The following MYO6 variants were observed in gnomAD, a reference collection of about 807,000 sequenced individuals.
The protein encoded by MYO6 is myosin VI.
A neutral mutation model predicts 178.7 loss-of-function variants in MYO6; 74 were observed. The ratio of observed to expected loss-of-function variants is 0.41; its 90% CI spans 0.34 to 0.50. The LOEUF is 0.50. Ranked by LOEUF, MYO6 falls within the 20% of genes least tolerant of loss-of-function variation. The pLI, the probability that MYO6 is intolerant of heterozygous loss-of-function variation, is 0.09. For synonymous variants in MYO6, 477 were observed against 504.6 expected (o/e 0.95, Z 0.73); for missense variants, 1,330 against 1,547.4 (o/e 0.86, Z 2.36).
In MYO6 at chr6:75,881,918, C is replaced by T; in HGVS notation, c.2416+100C>T. 2.8e-6 allele frequency: 4 copies of T among 1,413,978 alleles called. No homozygotes were observed. The East Asian group carries it at 6.9e-5, about 24-fold the overall frequency. 87.6% of individuals were successfully genotyped at this position (1,413,978 alleles called of 1,614,324 possible). A position where few individuals can be genotyped will look rare whatever the true frequency, so the allele number is the denominator to read the frequency against. The stretch of plus-strand genomic sequence containing the variant: ...CAGAGGTGATGCTGAGCAACAGAGA[C>T]TGAGACTTGTTCACACTGGGTCCCA... On this transcript the variant is annotated intron_variant, in intron 23 of 34. Coordinates refer to ENST00000369977, the MANE Select transcript of MYO6 (RefSeq NM_004999.4).
intron 1 of MYO6, among the ~76,000 whole-genome samples, chr6:75,796,166 C>T (rs1463832724): frequency 1.3e-5 from 2 of 152,126 alleles, no homozygotes; most frequent in African/African-American, 4.8e-5. Context: ...TATTGCCTAC[C>T]ATTCTGTTCT....
intron 1 of MYO6, among the ~76,000 whole-genome samples, chr6:75,773,910 A>C (rs1186030463): frequency 6.6e-6 from 1 of 152,230 alleles, no homozygotes; most frequent in Non-Finnish European, 1.5e-5. Flanking sequence ...AGAATCTTTG[A>C]TATTTCTATT....
intron 1 of MYO6, among the ~76,000 whole-genome samples, chr6:75,753,441 A>ATGTGTG (rs763065617): frequency 7.1e-6 from 1 of 140,472 alleles, no homozygotes; most frequent in African/African-American, 2.7e-5. Flanking sequence ...TGATCTATAT[A>ATGTGTG]TGTGTGTGTG....
Position 75,907,680 on chromosome 6 carries a change from A to G in MYO6, c.3252A>G (p.Glu1084=). Reference sequence around the variant, plus strand: ...ATCTTAGTAAATGGAAATATGCAGAACTACGTGATACCATCAATACTTCTT... The same window carrying G: ...ATCTTAGTAAATGGAAATATGCAGAGCTACGTGATACCATCAATACTTCTT... ...KYDLSKWKYA[E]LRDTINTSCD... Residue 1084 remains glutamate, a synonymous_variant, in exon 31 of 35, where the codon GAA becomes GAG. Coordinates refer to ENST00000369977, the MANE Select transcript of MYO6 (RefSeq NM_004999.4). The G allele has an allele frequency of 6.2e-7, 1 of 1,613,034 alleles. No individual in the cohort carries two copies. The highest frequency in any genetic ancestry group is 8.5e-7 in the Non-Finnish European group (1 of 1,179,434).
At chr6:75,908,189 C>T (rs76809861) in intron 31 of MYO6, among the ~76,000 whole-genome samples, 2 of 152,222 alleles carry the variant, frequency 1.3e-5, no homozygotes, top group Non-Finnish European at 2.9e-5. Context: ...ATTGTCAAGA[C>T]TTGTTGCCTT....
intron 6 of MYO6, 41 bp downstream of exon 6, chr6:75,832,988 CT>C (rs775467958): frequency 6.2e-5 from 86 of 1,377,676 alleles, no homozygotes; most frequent in Middle Eastern, 3.6e-4. Flanking sequence ...GTAGGTTGAT[CT>C]TTTTTTTCCC....
intron 1 of MYO6, among the ~76,000 whole-genome samples, chr6:75,811,505 T>TGC (rs972336679): frequency 6.6e-6 from 1 of 152,224 alleles, no homozygotes; most frequent in African/African-American, 2.4e-5. Context: ...GCTGTGTGTG[T>TGC]GCCTTTAAAT....
intron 16 of MYO6, among the ~76,000 whole-genome samples, chr6:75,864,015 A>T (rs1776436719): frequency 6.6e-6 from 1 of 152,106 alleles, no homozygotes; most frequent in African/African-American, 2.4e-5. Context: ...ACACAAATGG[A>T]TGTCAGTTTC....
chr6:75,760,900 T>C (rs1341491952), intron 1 of MYO6, among the ~76,000 whole-genome samples: 1 of 152,192 alleles, frequency 6.6e-6, no homozygotes, highest in East Asian at 1.9e-4. Flanking sequence ...TGAATTTCCT[T>C]GATTTGAGGA....
intron 7 of MYO6, 129 bp from the exon 8 acceptor site, chr6:75,840,456 C>G: frequency 1.4e-6 from 1 of 715,178 alleles, no homozygotes; most frequent in Non-Finnish European, 2.5e-6. Flanking sequence ...CCACTGTGTC[C>G]CGCCCATGTT....
chr6:75,906,013 T>C (rs1330794424), intron 30 of MYO6, among the ~76,000 whole-genome samples: 1 of 152,348 alleles, frequency 6.6e-6, no homozygotes, highest in Admixed American at 6.5e-5. Context: ...ATGGCTGTTA[T>C]CTTTCAAAAT....
chr6:75,804,270 C>G (rs1562181579), intron 1 of MYO6, among the ~76,000 whole-genome samples: 3 of 152,200 alleles, frequency 2.0e-5, no homozygotes, highest in Non-Finnish European at 4.4e-5. Context: ...TAGGTGCACA[C>G]AAAACTTACT....
chr6:75,773,099 A>G (rs1766044906), intron 1 of MYO6, among the ~76,000 whole-genome samples: 1 of 152,210 alleles, frequency 6.6e-6, no homozygotes, highest in Admixed American at 6.5e-5. Context: ...TGCAAATACT[A>G]TGCTAGTGAT....
Position 75,805,021 on chromosome 6 carries a change from A to ATATATTTTTTTT in MYO6, c.-47-12479_-47-12478insATATTTTTTTTT, listed in dbSNP as rs1252912172. Among the ~76,000 whole-genome samples, 326 of 77,262 alleles carry ATATATTTTTTTT rather than the reference A, an allele frequency of 4.2e-3. 6 individuals are homozygous for ATATATTTTTTTT. Among genetic ancestry groups the ATATATTTTTTTT allele is most frequent in the East Asian group, 0.03 (54 of 1,776 alleles). The allele number at this position is 77,262 out of a possible 152,430, so 50.7% of individuals were successfully genotyped here. ...CACACACATATATATATATATATATATTTTTTTTTTTTTTTTTTTTGAGAC... is the reference window on the plus strand; with the variant it reads ...CACACACATATATATATATATATATATATATTTTTTTTTTTTTTTTTTTTTTTTTTTTGAGAC... On this transcript the variant is annotated intron_variant, in intron 1 of 34. Transcript: ENST00000369977.
chr6:75,782,701 A>G (rs1252684804), intron 1 of MYO6, among the ~76,000 whole-genome samples: 1 of 151,896 alleles, frequency 6.6e-6, no homozygotes, highest in African/African-American at 2.4e-5. Flanking sequence ...TTCCCTTTTT[A>G]GCCTGTGTTT....
chr6:75,890,158 A>G lies in MYO6; in HGVS notation c.2760A>G (p.Glu920=). Reference sequence around the variant, plus strand: ...CATTACAGAAAAAAAAACAGCAGGAAGAGGAAGCAGAAAGGCTGAGGCGTA... The same window carrying G: ...CATTACAGAAAAAAAAACAGCAGGAGGAGGAAGCAGAAAGGCTGAGGCGTA... ...LSALQKKKQQ[E]EEAERLRRIQ... The change falls in exon 26 of 35, where the codon GAA becomes GAG. Residue 920 remains glutamate (E), a synonymous_variant. Transcript: ENST00000369977. The G allele has an allele frequency of 1.2e-6, 2 of 1,613,864 alleles. No homozygotes were observed. The highest frequency in any genetic ancestry group is 2.2e-5 in the East Asian group (1 of 44,872).
chr6:75,817,999 C>T (rs1006070703), intron 2 of MYO6, among the ~76,000 whole-genome samples: 1 of 152,030 alleles, frequency 6.6e-6, no homozygotes, highest in African/African-American at 2.4e-5. Context: ...TTTCTTGTGC[C>T]ACATTACTAA....
chr6:75,858,076 A>AT (rs919385749), intron 13 of MYO6, among the ~76,000 whole-genome samples: 10 of 139,466 alleles, frequency 7.2e-5, no homozygotes, highest in African/African-American at 1.8e-4. Flanking sequence ...ATTATTATTA[A>AT]TTTTTTTTCC....
At position 75,822,871 on chromosome 6, in the gene MYO6, T is replaced by C; in HGVS notation, c.187+20T>C. On this transcript the variant is annotated intron_variant, in intron 3 of 34. Transcript: ENST00000369977. ...ATAACTGTAAGTACCAAGTTAAAAATTAACTCTCCGCACAGAAAAGGAGAC... is the reference window on the plus strand; with the variant it reads ...ATAACTGTAAGTACCAAGTTAAAAACTAACTCTCCGCACAGAAAAGGAGAC... The C allele has an allele frequency of 6.3e-7, 1 of 1,578,888 alleles. No individual in the cohort carries two copies. The highest frequency in any genetic ancestry group is 8.7e-7 in the Non-Finnish European group (1 of 1,148,388).
Sources: allele counts gnomAD v4.1 joint callset (sites outside exome capture counted in the v4.1 genomes callset), GRCh38; gene constraint gnomAD v4.1.1; transcripts MANE v1.5; gene names NCBI Gene and HGNC (gene_info 2026-07-23, HGNC 2026-07-21).